STARD13: variants seen among roughly 807,000 people sequenced by gnomAD.
STARD13 encodes the protein stAR-related lipid transfer protein 13.
STARD13 carries 62 observed loss-of-function variants against 106.4 expected under a neutral mutation model. The ratio of observed to expected loss-of-function variants is 0.58; its 90% CI spans 0.48 to 0.72. The LOEUF is 0.72. Among genes scored for constraint, STARD13 ranks in the 30% least tolerant of loss-of-function variants. The probability of loss-of-function intolerance (pLI) is 0.00; values close to 1 mark genes in which losing one functional copy is unlikely to be tolerated. For synonymous variants in STARD13, 565 were observed against 553.0 expected (o/e 1.02, Z -0.31); for missense variants, 1,387 against 1,424.0 (o/e 0.97, Z 0.42).
At chr13:33,200,376 A>G (rs942920015) in intron 1 of STARD13, among the ~76,000 whole-genome samples, 2 of 152,180 alleles carry the variant, frequency 1.3e-5, no homozygotes, top group African/African-American at 4.8e-5. Flanking sequence ...GCAAGGCAGG[A>G]GCTACCGTGC....
At chr13:33,386,633 A>C in the STARD13 span, among the ~76,000 whole-genome samples, 1 of 152,094 alleles carries the variant, frequency 6.6e-6, no homozygotes, top group Non-Finnish European at 1.5e-5. Flanking sequence ...GTTTCCTCCT[A>C]GTGTCTCTTT....
chr13:33,260,419 G>A (rs1234268900), intron 1 of STARD13, among the ~76,000 whole-genome samples: 2 of 152,232 alleles, frequency 1.3e-5, no homozygotes, highest in Non-Finnish European at 2.9e-5. Flanking sequence ...AGTGGAGGCA[G>A]GTCTATTTCT....
At chr13:33,479,437 T>C in the STARD13 span, among the ~76,000 whole-genome samples, 1 of 152,236 alleles carries the variant, frequency 6.6e-6, no homozygotes, top group African/African-American at 2.4e-5. Context: ...CATCGTGGCA[T>C]TATTTGTAAA....
At chr13:33,464,510 A>T in the STARD13 span, among the ~76,000 whole-genome samples, 15 of 152,204 alleles carry the variant, frequency 9.9e-5, no homozygotes, top group African/African-American at 3.6e-4. Context: ...CACTGATCCT[A>T]TGCTACTATT....
At chr13:33,610,250 A>C in the STARD13 span, among the ~76,000 whole-genome samples, 1 of 152,100 alleles carries the variant, frequency 6.6e-6, no homozygotes, top group African/African-American at 2.4e-5. Flanking sequence ...AAGGAGGTTC[A>C]CTCTGGGGAG....
At chr13:33,358,610 T>A in the STARD13 span, among the ~76,000 whole-genome samples, 3 of 151,400 alleles carry the variant, frequency 2.0e-5, no homozygotes, top group East Asian at 5.9e-4. Context: ...AGAGTCTTTA[T>A]GTCTAGCTCA....
At chr13:33,624,506 A>C in the STARD13 span, among the ~76,000 whole-genome samples, 1 of 152,158 alleles carries the variant, frequency 6.6e-6, no homozygotes. Context: ...ATCTCCTTAC[A>C]CCAAGAGTTC....
In STARD13 at chr13:33,118,138, T is replaced by C. The variant is rs889132917; in HGVS notation, c.2208A>G (p.Lys736=). 1 of 1,614,230 alleles carries C rather than the reference T, an allele frequency of 6.2e-7. No homozygotes were observed. Among genetic ancestry groups the C allele is most frequent in the Non-Finnish European group, 8.5e-7 (1 of 1,180,044 alleles). ...GCTCAGGGAGGTCCCGGAAGAACTG[T>C]TTCACCATATCCGCCACATCATAAG... ...QSAYDVADMV[K]QFFRDLPEPL... Residue 736 remains lysine (K), a synonymous_variant, in exon 8 of 14, where the codon AAA becomes AAG. Coordinates refer to ENST00000336934, the MANE Select transcript of STARD13 (RefSeq NM_178006.4).
At chr13:33,666,804 C>A in the STARD13 span, among the ~76,000 whole-genome samples, 1 of 151,998 alleles carries the variant, frequency 6.6e-6, no homozygotes, top group South Asian at 2.1e-4. Flanking sequence ...GTTGGCCAGG[C>A]TGGTCTCGAA....
the STARD13 span, among the ~76,000 whole-genome samples, chr13:33,365,423 A>C: frequency 6.6e-6 from 1 of 152,202 alleles, no homozygotes. Flanking sequence ...CATTCACTGC[A>C]CAGTTATAAG....
chr13:33,144,610 C>A (rs944364658), intron 3 of STARD13, among the ~76,000 whole-genome samples: 2 of 152,230 alleles, frequency 1.3e-5, no homozygotes, highest in Non-Finnish European at 2.9e-5. Context: ...ATATAGCAGG[C>A]AATGCTGAGT....
intron 1 of STARD13, among the ~76,000 whole-genome samples, chr13:33,247,974 G>C (rs1889914138): frequency 6.6e-6 from 1 of 151,994 alleles, no homozygotes; most frequent in African/African-American, 2.4e-5. Flanking sequence ...CTCATCTTCT[G>C]GGGGGTCCTT....
the STARD13 span, among the ~76,000 whole-genome samples, chr13:33,541,057 T>A: frequency 1.3e-5 from 2 of 152,224 alleles, no homozygotes; most frequent in East Asian, 3.8e-4. Context: ...ATATGTGTAC[T>A]CTTTGAACTG....
the STARD13 span, among the ~76,000 whole-genome samples, chr13:33,598,788 A>G: frequency 6.6e-6 from 1 of 152,256 alleles, no homozygotes; most frequent in Non-Finnish European, 1.5e-5. Context: ...TACCGTCCCT[A>G]AACTTCTAAA....
At chr13:33,274,791 G>C (rs9536957) in intron 1 of STARD13, among the ~76,000 whole-genome samples, 13,189 of 152,024 alleles carry the variant, frequency 0.087, 734 homozygotes, top group Admixed American at 0.15. Context: ...GCTGTTAAAC[G>C]GATATTTGGG....
chr13:33,638,989 C>T, the STARD13 span, among the ~76,000 whole-genome samples: 1 of 151,974 alleles, frequency 6.6e-6, no homozygotes, highest in African/African-American at 2.4e-5. Context: ...CAAATTCATT[C>T]TTTCCGCAGA....
At chr13:33,586,469 T>C in the STARD13 span, among the ~76,000 whole-genome samples, 1 of 152,210 alleles carries the variant, frequency 6.6e-6, no homozygotes, top group Non-Finnish European at 1.5e-5. Context: ...ACATGGCCCT[T>C]TCTAGAAGAA....
chr13:33,643,674 C>A, the STARD13 span, among the ~76,000 whole-genome samples: 2 of 152,266 alleles, frequency 1.3e-5, no homozygotes, highest in African/African-American at 2.4e-5. Flanking sequence ...AGCTGGTGAA[C>A]GGGTGCCAGT....
At chr13:33,590,065 T>G in the STARD13 span, among the ~76,000 whole-genome samples, 21 of 152,264 alleles carry the variant, frequency 1.4e-4, 1 homozygote, top group African/African-American at 4.6e-4. Context: ...GGCCTTCTTT[T>G]TCTCTTTTGA....
Sources: allele counts gnomAD v4.1 joint callset (sites outside exome capture counted in the v4.1 genomes callset), GRCh38; gene constraint gnomAD v4.1.1; transcripts MANE v1.5; gene names NCBI Gene and HGNC (gene_info 2026-07-23, HGNC 2026-07-21).